The following GPR173 variants were observed in gnomAD, a reference collection of about 807,000 sequenced individuals.
The protein encoded by GPR173 is G protein-coupled receptor 173, also known as probable G protein-coupled receptor 173.
In GPR173, 2 loss-of-function variants were observed where a neutral mutation model predicts 13.9. The observed-to-expected ratio is 0.14, with a 90% CI of 0.06 to 0.45. GPR173 has a LOEUF of 0.45. Among genes scored for constraint, GPR173 ranks in the 20% least tolerant of loss-of-function variants. The pLI, the probability that GPR173 is intolerant of heterozygous loss-of-function variation, is 0.98. For missense variants in GPR173, 202 were observed against 340.5 expected (o/e 0.59, Z 3.20); for synonymous variants, 131 against 141.0 (o/e 0.93, Z 0.50).
intron 1 of GPR173, among the ~76,000 whole-genome samples, chrX:53,056,837 G>A (rs782094677): frequency 1.8e-5 from 2 of 111,414 alleles, no homozygotes; most frequent in East Asian, 2.8e-4. Flanking sequence ...GACTAGGTGC[G>A]TGTGGCCATT....
chrX:53,075,243 G>A (rs999874730), intron 1 of GPR173, among the ~76,000 whole-genome samples: 10 of 106,564 alleles, frequency 9.4e-5, no homozygotes, highest in African/African-American at 2.7e-4. Context: ...CGAGATATCC[G>A]CATGACTCAC....
intron 1 of GPR173, among the ~76,000 whole-genome samples, chrX:53,074,774 A>G (rs934683266): frequency 1.0e-5 from 1 of 96,023 alleles, no homozygotes; most frequent in African/African-American, 3.8e-5. Context: ...TAATTTATAT[A>G]TAAATTTTTA....
rs111320267 is a variant in GPR173 at position 53,079,589 on chromosome X, C to CTG, written c.*1861_*1862dup. 32,587 of 116,851 alleles carry CTG rather than the reference C, an allele frequency of 0.28. 4,633 individuals carry two copies. The highest frequency in any genetic ancestry group is 0.56 in the African/African-American group (16,282 of 29,140). 9.6% of individuals were successfully genotyped at this position (116,851 alleles called of 1,213,427 possible). A position where few individuals can be genotyped will look rare whatever the true frequency, so the allele number is the denominator to read the frequency against. ...TATACTGGATGTTTTCTCTTTCTGA[C>CTG]TGTGTGTGTGTGTGTGCGTGCGTGC... On this transcript the variant is annotated 3_prime_UTR_variant, in exon 2 of 2. Transcript: ENST00000332582.
chrX:53,073,468 G>C (rs1251537592), intron 1 of GPR173, among the ~76,000 whole-genome samples: 1 of 110,089 alleles, frequency 9.1e-6, no homozygotes, highest in Non-Finnish European at 1.9e-5. Flanking sequence ...CCACACTCCC[G>C]GAGCTCTCCT....
intron 1 of GPR173, among the ~76,000 whole-genome samples, chrX:53,068,728 C>T (rs1192956183): frequency 4.8e-5 from 5 of 104,660 alleles, no homozygotes; most frequent in African/African-American, 1.5e-4. Flanking sequence ...GTTCATGCCA[C>T]TGCACTCCAG....
At chrX:53,062,928 T>TGC (rs1265006757) in intron 1 of GPR173, among the ~76,000 whole-genome samples, 1 of 111,968 alleles carries the variant, frequency 8.9e-6, no homozygotes, top group Non-Finnish European at 1.9e-5. Flanking sequence ...TGAGCAGCCC[T>TGC]GCCCCTATGG....
At chrX:53,064,322 G>A (rs1556804060) in intron 1 of GPR173, among the ~76,000 whole-genome samples, 2 of 111,751 alleles carry the variant, frequency 1.8e-5, no homozygotes, top group African/African-American at 6.5e-5. Flanking sequence ...TAATCCCAGC[G>A]CTTTGGTAGG....
chrX:53,070,032 CAT>C (rs1379115380), intron 1 of GPR173, among the ~76,000 whole-genome samples: 8 of 110,674 alleles, frequency 7.2e-5, no homozygotes, highest in Non-Finnish European at 1.1e-4. Context: ...TATACACACA[CAT>C]GGTAGGGTTC....
intron 1 of GPR173, among the ~76,000 whole-genome samples, chrX:53,060,562 A>G (rs1932109325): frequency 1.0e-5 from 1 of 98,855 alleles, no homozygotes; most frequent in Non-Finnish European, 2.0e-5. Context: ...CCTGAGCAAC[A>G]AGAGCGAGAC....
intron 1 of GPR173, among the ~76,000 whole-genome samples, chrX:53,059,257 A>AAAAAT (rs1303637264): frequency 9.3e-6 from 1 of 107,281 alleles, no homozygotes; most frequent in Non-Finnish European, 1.9e-5. Flanking sequence ...TCAAAAAATA[A>AAAAAT]AAAATAAAAT....
intron 1 of GPR173, among the ~76,000 whole-genome samples, chrX:53,062,149 A>T (rs1036050871): frequency 9.0e-6 from 1 of 111,323 alleles, no homozygotes; most frequent in Non-Finnish European, 1.9e-5. Flanking sequence ...TAAAGGTCTC[A>T]CTTCTCAGTA....
Position 53,078,035 on chromosome X carries a change from T to C in GPR173, c.*292T>C, listed in dbSNP as rs1932469682. On this transcript the variant is annotated 3_prime_UTR_variant, in exon 2 of 2. Coordinates refer to ENST00000332582, the MANE Select transcript of GPR173 (RefSeq NM_018969.6). Reference sequence around the variant, plus strand: ...CTCTCTCTGTCTCTCTCTCTCTCTCTCTCTCTCTCTCAGAAGTGACAATTC... The same window carrying C: ...CTCTCTCTGTCTCTCTCTCTCTCTCCCTCTCTCTCTCAGAAGTGACAATTC... 3.1e-6 allele frequency: 1 copy of C among 324,512 alleles called. No homozygotes were observed. Among genetic ancestry groups the C allele is most frequent in the Non-Finnish European group, 5.5e-6 (1 of 180,479 alleles). 26.7% of individuals were successfully genotyped at this position (324,512 alleles called of 1,213,427 possible). A position where few individuals can be genotyped will look rare whatever the true frequency, so the allele number is the denominator to read the frequency against.
At chrX:53,054,603 G>A (rs1569220634) in intron 1 of GPR173, among the ~76,000 whole-genome samples, 1 of 109,630 alleles carries the variant, frequency 9.1e-6, no homozygotes, top group East Asian at 2.9e-4. Context: ...GGGGGGGTGA[G>A]TGTGGTTGTA....
chrX:53,061,156 G>C (rs1932120426), intron 1 of GPR173, among the ~76,000 whole-genome samples: 1 of 108,244 alleles, frequency 9.2e-6, no homozygotes, highest in African/African-American at 3.4e-5. Flanking sequence ...CCAGGAGGCA[G>C]AGTTTGTAGT....
chrX:53,067,602 G>A, intron 1 of GPR173, among the ~76,000 whole-genome samples: 1 of 111,460 alleles, frequency 9.0e-6, no homozygotes, highest in Non-Finnish European at 1.9e-5. Flanking sequence ...GAGGCGGGCG[G>A]ATCACGAGGT....
At chrX:53,075,934 C>A (rs1375441774) in intron 1 of GPR173, among the ~76,000 whole-genome samples, 1 of 111,271 alleles carries the variant, frequency 9.0e-6, no homozygotes, top group African/African-American at 3.3e-5. Context: ...GTATGTGTAG[C>A]GGGTTGTGAT....
rs146332736 is a variant in GPR173 at position 53,077,359 on chromosome X, C to T, written c.738C>T (p.Ile246=). ...GATGQAAANW[I]AGFGRGPMPP... is the part of the protein sequence containing the mutation. The stretch of plus-strand genomic sequence containing the variant: ...CCGGCCAGGCTGCTGCCAACTGGAT[C>T]GCCGGCTTTGGCCGTGGGCCCATGC... The change falls in exon 2 of 2, where the codon ATC becomes ATT. Residue 246 remains isoleucine (I), a synonymous_variant. Coordinates refer to ENST00000332582, the MANE Select transcript of GPR173 (RefSeq NM_018969.6). 36 of 1,197,259 alleles carry T rather than the reference C, an allele frequency of 3.0e-5. No homozygotes were observed. Among genetic ancestry groups the T allele is most frequent in the Middle Eastern group, 2.3e-4 (1 of 4,356 alleles).
chrX:53,062,004 AAGAG>A (rs1569221934), intron 1 of GPR173, among the ~76,000 whole-genome samples: 1 of 109,932 alleles, frequency 9.1e-6, no homozygotes. Flanking sequence ...AAGAGAAGAG[AAGAG>A]AAGAGAAGAG....
chrX:53,075,061 C>T (rs944723694), intron 1 of GPR173, among the ~76,000 whole-genome samples: 5 of 105,843 alleles, frequency 4.7e-5, no homozygotes, highest in South Asian at 4.3e-4. Context: ...GTTCTCGCCA[C>T]GGCCTCCCTG....
Sources: allele counts gnomAD v4.1 joint callset (sites outside exome capture counted in the v4.1 genomes callset), GRCh38; gene constraint gnomAD v4.1.1; transcripts MANE v1.5; gene names NCBI Gene and HGNC (gene_info 2026-07-23, HGNC 2026-07-21).